Variants in NSD3 observed in about 807,000 individuals in gnomAD.
The protein encoded by NSD3 is nuclear receptor binding SET domain protein 3, also known as histone-lysine N-methyltransferase NSD3.
Under a neutral mutation model 160.8 loss-of-function variants are expected in NSD3, and 24 were observed. The ratio of observed to expected loss-of-function variants is 0.15; its 90% confidence interval spans 0.11 to 0.21. NSD3 has a LOEUF of 0.21. Ranked by LOEUF, NSD3 falls within the 10% of genes least tolerant of loss-of-function variation. The pLI, the probability that NSD3 is intolerant of heterozygous loss-of-function variation, is 1.00. For synonymous variants in NSD3, 520 were observed against 600.0 expected (o/e 0.87, Z 1.95); for missense variants, 1,157 against 1,735.9 (o/e 0.67, Z 5.93).
rs991032389 is a variant in NSD3 at position 38,275,144 on chromosome 8, A to T, written c.*497T>A. 2 of 239,704 alleles carry T rather than the reference A, an allele frequency of 8.3e-6. No individual in the cohort carries two copies. The highest frequency in any genetic ancestry group is 4.4e-5 in the African/African-American group (2 of 45,372). 14.8% of individuals were successfully genotyped at this position (239,704 alleles called of 1,614,324 possible). A position where few individuals can be genotyped will look rare whatever the true frequency, so the allele number is the denominator to read the frequency against. ...CTCAGTAAAGAGGTATATAAAGCTT[A>T]TCATACCCTTTCCTAGAGGGCTTTC... On this transcript the variant is annotated 3_prime_UTR_variant, in exon 24 of 24. Transcript: ENST00000317025.
At chr8:38,373,443 C>CT (rs558973837) in intron 1 of NSD3, among the ~76,000 whole-genome samples, 43 of 152,014 alleles carry the variant, frequency 2.8e-4, no homozygotes, top group South Asian at 2.1e-4. Context: ...GTTTTATATG[C>CT]TTTTTTTTAT....
In NSD3 at chr8:38,275,654, T is replaced by A. The variant is rs765189146; in HGVS notation, c.4301A>T (p.Glu1434Val). 3 of 1,613,842 alleles carry A rather than the reference T, an allele frequency of 1.9e-6. No homozygotes were observed. The highest frequency in any genetic ancestry group is 2.5e-6 in the Non-Finnish European group (3 of 1,179,814). Residue 1434 changes from glutamate to valine, a missense_variant, in exon 24 of 24, where the codon GAA (glutamate) becomes GTA (valine). By Grantham distance (121) the Glu-to-Val change is moderately radical. Coordinates refer to ENST00000317025, the MANE Select transcript of NSD3 (RefSeq NM_023034.2). ...CKWESQDHGE[E>V]VKE is the part of the protein sequence containing the mutation. Reference sequence around the variant, plus strand: ...GACACCACACATTTATTCTTTTACTTCTTCTCCATGATCTTGTGATTCCCA... The same window carrying A: ...GACACCACACATTTATTCTTTTACTACTTCTCCATGATCTTGTGATTCCCA...
chr8:38,337,452 A>T lies in NSD3; in HGVS notation c.763T>A (p.Ser255Thr), dbSNP rs778807325. The T allele has an allele frequency of 2.3e-5, 36 of 1,599,080 alleles. No homozygotes were observed. Among genetic ancestry groups the T allele is most frequent in the Non-Finnish European group, 3.0e-5 (35 of 1,174,400 alleles). Residue 255 changes from serine to threonine, a missense_variant, in exon 4 of 24, where the codon TCT becomes ACT. Ser to Thr is a moderately conservative substitution (Grantham distance 58). This residue lies in a region of NSD3 where 99 missense variants were observed against 151.8 expected (regional missense o/e 0.65). Coordinates refer to ENST00000317025, the MANE Select transcript of NSD3 (RefSeq NM_023034.2). ...KEEAPVQPILSSVPTTEVSTG... is the reference protein window; with the variant it reads ...KEEAPVQPILTSVPTTEVSTG... ...GACACTTCCGTTGTTGGAACAGAAG[A>T]TAGTATTGGCTGAACCTACAGGAAA...
Position 38,270,331 on chromosome 8 carries a change from G to A in NSD3, c.*5310C>T, listed in dbSNP as rs1416246988. ...CAAAGATCATTATCATAAAGAACAC[G>A]AGAAAATGAAAACGGAGTCTGTAGG... On this transcript the variant is annotated 3_prime_UTR_variant, in exon 24 of 24. Coordinates refer to ENST00000317025, the MANE Select transcript of NSD3 (RefSeq NM_023034.2). 2.0e-5 allele frequency: 3 copies of A among 152,142 alleles called. No homozygotes were observed. Among genetic ancestry groups the A allele is most frequent in the African/African-American group, 4.8e-5 (2 of 41,440 alleles). 9.4% of individuals were successfully genotyped at this position (152,142 alleles called of 1,614,324 possible). A position where few individuals can be genotyped will look rare whatever the true frequency, so the allele number is the denominator to read the frequency against.
At chr8:38,310,260 T>C (rs1228731605) in intron 12 of NSD3, among the ~76,000 whole-genome samples, 1 of 152,232 alleles carries the variant, frequency 6.6e-6, no homozygotes, top group Admixed American at 6.5e-5. Flanking sequence ...GTAATTCATA[T>C]AAATGCAATC....
At chr8:38,328,783 G>A (rs1355407393) in intron 6 of NSD3, among the ~76,000 whole-genome samples, 3 of 152,166 alleles carry the variant, frequency 2.0e-5, no homozygotes, top group African/African-American at 7.2e-5. Context: ...TGCCCTAAAT[G>A]GAGGCCCAGG....
chr8:38,317,451 C>T lies in NSD3; in HGVS notation c.1856-1409G>A, dbSNP rs1310143395. On this transcript the variant is annotated intron_variant, in intron 9 of 23. Transcript: ENST00000317025. This position sits in a 1 kb window ranked among gnomAD's most constrained non-coding sequence, Gnocchi z 5.3. The stretch of plus-strand genomic sequence containing the variant: ...CAGGAGTGCTGTACTGAGAGGCTTT[C>T]GAAGGGAAACACAGGTACCGCCATT... The T allele has an allele frequency of 2.8e-6, 3 of 1,056,752 alleles. No individual in the cohort carries two copies. The highest frequency in any genetic ancestry group is 5.3e-5 in the Admixed American group (1 of 18,890). 65.5% of individuals were successfully genotyped at this position (1,056,752 alleles called of 1,614,324 possible).
intron 7 of NSD3, 133 bp downstream of exon 7, chr8:38,326,597 T>A: frequency 2.7e-6 from 3 of 1,124,484 alleles, no homozygotes; most frequent in Non-Finnish European, 3.5e-6. Flanking sequence ...GTAACTGCTT[T>A]TATATTTTGA....
chr8:38,366,418 C>CTTTTTTTTTTTTT (rs374656504), intron 1 of NSD3, among the ~76,000 whole-genome samples: 2 of 132,176 alleles, frequency 1.5e-5, no homozygotes, highest in African/African-American at 5.6e-5. Flanking sequence ...CTACTTAATT[C>CTTTTTTTTTTTTT]TTTTTTTTTT....
At chr8:38,305,196 T>C in intron 13 of NSD3, 52 bp downstream of exon 13, 2 of 1,571,102 alleles carry the variant, frequency 1.3e-6, no homozygotes, top group Non-Finnish European at 8.7e-7. Flanking sequence ...ATAATGTTAT[T>C]TGCCACTGCC....
At position 38,290,524 on chromosome 8, in the gene NSD3, G is replaced by A; in HGVS notation, c.3069C>T (p.Asp1023=). ...TAGTCTGCCCTTCAGCAAAGCTTTT[G>A]TCTCCTTCAACATAAGGGAACACTC... is the stretch of plus-strand genomic sequence containing the variant. ...QGRVFPYVEG[D]KSFAEGQTSI... is the part of the protein sequence containing the mutation. The change falls in exon 17 of 24, where the codon GAC becomes GAT. Residue 1023 remains aspartate (D), a synonymous_variant. Transcript: ENST00000317025. 1 of 1,614,126 alleles carries A rather than the reference G, an allele frequency of 6.2e-7. No individual in the cohort carries two copies. Among genetic ancestry groups the A allele is most frequent in the South Asian group, 1.1e-5 (1 of 91,072 alleles).
chr8:38,354,166 T>C (rs117770309), intron 1 of NSD3, among the ~76,000 whole-genome samples: 216 of 152,334 alleles, frequency 1.4e-3, no homozygotes, highest in Admixed American at 4.5e-3. Flanking sequence ...TCTCGCATTT[T>C]CTTCCTTTGA....
intron 1 of NSD3, 96 bp from the exon 2 acceptor site, chr8:38,348,311 C>T: frequency 1.1e-6 from 1 of 902,570 alleles, no homozygotes; most frequent in Admixed American, 3.3e-5. Context: ...GTTTTGAACT[C>T]AATTTTCATA....
intron 1 of NSD3, among the ~76,000 whole-genome samples, chr8:38,378,052 A>C (rs1811437504): frequency 6.6e-6 from 1 of 152,268 alleles, no homozygotes. Flanking sequence ...AAGAAACTTC[A>C]AGTGGTTATC....
At chr8:38,286,533 T>A (rs566096020) in intron 19 of NSD3, among the ~76,000 whole-genome samples, 2 of 152,284 alleles carry the variant, frequency 1.3e-5, no homozygotes, top group South Asian at 4.1e-4. Flanking sequence ...AACTGTGAGA[T>A]AATAAAATGT....
chr8:38,370,535 T>C (rs947549491), intron 1 of NSD3, among the ~76,000 whole-genome samples: 1 of 152,142 alleles, frequency 6.6e-6, no homozygotes, highest in Non-Finnish European at 1.5e-5. Flanking sequence ...AGCATCATCT[T>C]CTCATGAAGG....
intron 1 of NSD3, among the ~76,000 whole-genome samples, chr8:38,375,074 C>T (rs1035473458): frequency 9.9e-5 from 15 of 151,872 alleles, no homozygotes; most frequent in African/African-American, 3.6e-4. Flanking sequence ...TTTTAAAAAG[C>T]CAAGTTATTC....
chr8:38,291,644 A>C (rs562654067), intron 16 of NSD3, among the ~76,000 whole-genome samples: 2 of 152,254 alleles, frequency 1.3e-5, no homozygotes, highest in Non-Finnish European at 2.9e-5. Flanking sequence ...TAAACAAAAC[A>C]AAAACCAATA....
In NSD3 at chr8:38,329,390, A is replaced by C; in HGVS notation, c.1569T>G (p.Val523=). 2 of 1,608,014 alleles carry C rather than the reference A, an allele frequency of 1.2e-6. No homozygotes were observed. ...AAAAAGGAGGTACCTTTGTTGAATAAACAAATTGATCGATAAATTTCCCAT... is the reference window on the plus strand; with the variant it reads ...AAAAAGGAGGTACCTTTGTTGAATACACAAATTGATCGATAAATTTCCCAT... The part of the protein sequence containing the change: ...TGDGKFIDQF[V]YSTKGIGNKT... The change falls in exon 6 of 24, where the codon GTT becomes GTG. Residue 523 remains valine (V), a synonymous_variant. Transcript: ENST00000317025. The surrounding 1 kb of genome is among the most constrained non-coding windows in gnomAD (Gnocchi z 4.8).
Sources: allele counts gnomAD v4.1 joint callset (sites outside exome capture counted in the v4.1 genomes callset), GRCh38; gene constraint gnomAD v4.1.1; regional missense constraint gnomAD v4.1.1; non-coding constraint Gnocchi (gnomAD v3.1); transcripts MANE v1.5; gene names NCBI Gene and HGNC (gene_info 2026-07-23, HGNC 2026-07-21).